Variants in DSCAM observed in about 807,000 individuals in gnomAD.
DSCAM encodes DS cell adhesion molecule.
A neutral mutation model predicts 217.7 loss-of-function variants in DSCAM; 47 were observed. The ratio of observed to expected loss-of-function variants is 0.22; its 90% CI spans 0.17 to 0.28. The LOEUF is 0.28. Among genes scored for constraint, DSCAM ranks in the 10% least tolerant of loss-of-function variants. DSCAM has a pLI of 1.00. For missense variants in DSCAM, 2,080 were observed against 2,618.3 expected, an observed-to-expected ratio of 0.79 and a Z score of 4.49; for synonymous variants, 1,056 against 1,015.3, an observed-to-expected ratio of 1.04 and a Z score of -0.76.
intron 27 of DSCAM, among the ~76,000 whole-genome samples, chr21:40,067,723 CATTCCCTCCCTCCCCTCATT>C (rs2089229287): frequency 1.5e-5 from 1 of 64,700 alleles, no homozygotes; most frequent in African/African-American, 8.1e-5. Flanking sequence ...CCCCTCCCCT[CATTCCCTCCCTCCCCTCATT>C]CCCTCCCTCC....
chr21:40,224,856 G>T (rs1158840449), intron 11 of DSCAM, among the ~76,000 whole-genome samples: 1 of 152,086 alleles, frequency 6.6e-6, no homozygotes, highest in Admixed American at 6.6e-5. Context: ...AGTTAAAAAG[G>T]ACACTTCAAA....
chr21:40,562,242 A>G (rs1211460377), intron 3 of DSCAM, among the ~76,000 whole-genome samples: 1 of 152,174 alleles, frequency 6.6e-6, no homozygotes, highest in Non-Finnish European at 1.5e-5. Context: ...GGTTCTCATG[A>G]TAGTGAGTGA....
At chr21:40,663,318 G>T (rs770843621) in intron 3 of DSCAM, among the ~76,000 whole-genome samples, 161 of 151,906 alleles carry the variant, frequency 1.1e-3, no homozygotes, top group Non-Finnish European at 2.1e-3. Context: ...ATGTATGTGT[G>T]TAAGAGAGTA....
At chr21:40,753,670 G>A (rs1164397651) in intron 1 of DSCAM, among the ~76,000 whole-genome samples, 1 of 152,166 alleles carries the variant, frequency 6.6e-6, no homozygotes, top group African/African-American at 2.4e-5. Context: ...ACCTTTAGAT[G>A]AGTCCAGGCA....
chr21:40,359,238 C>T (rs2074730728), intron 4 of DSCAM, among the ~76,000 whole-genome samples: 1 of 152,188 alleles, frequency 6.6e-6, no homozygotes, highest in South Asian at 2.1e-4. Context: ...GCTGGAGTGC[C>T]AGCCTTCACA....
intron 1 of DSCAM, among the ~76,000 whole-genome samples, chr21:40,796,263 A>G (rs570027266): frequency 6.6e-6 from 1 of 152,336 alleles, no homozygotes; most frequent in African/African-American, 2.4e-5. Flanking sequence ...TGGACATGAC[A>G]TCGGCAAATC....
chr21:40,391,767 C>T (rs901116829), intron 3 of DSCAM, among the ~76,000 whole-genome samples: 1 of 152,200 alleles, frequency 6.6e-6, no homozygotes, highest in Non-Finnish European at 1.5e-5. Context: ...TTGCTGTTAT[C>T]GGAAATTTCT....
intron 3 of DSCAM, among the ~76,000 whole-genome samples, chr21:40,610,175 G>A (rs995445874): frequency 3.3e-5 from 5 of 152,132 alleles, no homozygotes; most frequent in African/African-American, 7.2e-5. Context: ...AAAGCCCAGC[G>A]AGACAATATC....
At chr21:40,487,324 TGTGAGA>T (rs61624473) in intron 3 of DSCAM, among the ~76,000 whole-genome samples, 4,267 of 76,006 alleles carry the variant, frequency 0.056, 158 homozygotes, top group African/African-American at 0.17. Context: ...TGTGTGTGTG[TGTGAGA>T]GAGAGAGAGA....
At chr21:40,364,383 A>T (rs886288638) in intron 4 of DSCAM, among the ~76,000 whole-genome samples, 1 of 152,130 alleles carries the variant, frequency 6.6e-6, no homozygotes, top group Non-Finnish European at 1.5e-5. Context: ...TTGTAGGGAC[A>T]TAGATGAAGC....
chr21:40,836,232 T>G (rs913291541), intron 1 of DSCAM, among the ~76,000 whole-genome samples: 2 of 152,154 alleles, frequency 1.3e-5, no homozygotes, highest in African/African-American at 4.8e-5. Flanking sequence ...TCAAAGGGCT[T>G]CTCTGCTGGG....
intron 32 of DSCAM, among the ~76,000 whole-genome samples, chr21:40,037,612 A>G (rs200381549): frequency 0.16 from 22,978 of 142,790 alleles, 2,057 homozygotes; most frequent in Middle Eastern, 0.22. Context: ...TACAGATTCA[A>G]TGCCATCCCC....
chr21:40,805,221 C>G (rs1016501294), intron 1 of DSCAM, among the ~76,000 whole-genome samples: 1 of 152,190 alleles, frequency 6.6e-6, no homozygotes, highest in African/African-American at 2.4e-5. Flanking sequence ...TTAATATGAG[C>G]CAAGTATCTC....
chr21:40,716,125 G>T (rs2090839836), intron 1 of DSCAM, among the ~76,000 whole-genome samples: 1 of 152,136 alleles, frequency 6.6e-6, no homozygotes, highest in South Asian at 2.1e-4. Flanking sequence ...TATTTTTAAA[G>T]AATTTTACAT....
Position 40,629,074 on chromosome 21 carries a change from GTGGTGTGTGTGTGT to G in DSCAM, c.508+63722_508+63735del, listed in dbSNP as rs752369467. Among the ~76,000 whole-genome samples, 629 of 133,486 alleles carry G rather than the reference GTGGTGTGTGTGTGT, an allele frequency of 4.7e-3. 4 individuals carry two copies. Among genetic ancestry groups the G allele is most frequent in the African/African-American group, 0.017 (581 of 34,630 alleles). The allele number at this position is 133,486 out of a possible 152,430, so 87.6% of individuals were successfully genotyped here. ...GTATGTGTGTGTAGTATGTGTGTGT[GTGGTGTGTGTGTGT>G]GTGTGTGTGTGTGTGTGTGTGTGTG... On this transcript the variant is annotated intron_variant, in intron 3 of 32. Coordinates refer to ENST00000400454, the MANE Select transcript of DSCAM (RefSeq NM_001389.5).
intron 3 of DSCAM, among the ~76,000 whole-genome samples, chr21:40,548,834 A>G (rs1466242256): frequency 6.6e-6 from 1 of 152,232 alleles, no homozygotes; most frequent in African/African-American, 2.4e-5. Context: ...AGTAGTACAC[A>G]GCGATATTTT....
chr21:40,119,781 C>T (rs1017701401), intron 20 of DSCAM, among the ~76,000 whole-genome samples: 25 of 151,820 alleles, frequency 1.6e-4, no homozygotes, highest in South Asian at 4.2e-4. Flanking sequence ...GGAGGAACGA[C>T]GTTTTAATAC....
intron 1 of DSCAM, among the ~76,000 whole-genome samples, chr21:40,755,737 G>A (rs935665591): frequency 1.3e-5 from 2 of 152,194 alleles, no homozygotes; most frequent in African/African-American, 4.8e-5. Context: ...GTGAATTTAA[G>A]AGCAAAATGA....
chr21:40,081,573 C>G (rs1292286318), intron 24 of DSCAM, among the ~76,000 whole-genome samples: 1 of 152,076 alleles, frequency 6.6e-6, no homozygotes, highest in Admixed American at 6.5e-5. Context: ...CAGGTGATAC[C>G]TGTGCACCTG....
Sources: gnomAD v4.1 joint callset for allele counts (sites outside exome capture counted in the v4.1 genomes callset) on GRCh38, gnomAD v4.1.1 for gene constraint, MANE v1.5 for transcripts, NCBI Gene and HGNC (gene_info 2026-07-23, HGNC 2026-07-21) for gene names.